Variants in PCSK6 observed in about 807,000 individuals in gnomAD.
The protein encoded by PCSK6 is proprotein convertase subtilisin/kexin type 6.
In PCSK6, 85 loss-of-function variants were observed where a neutral mutation model predicts 123.3. The observed-to-expected ratio is 0.69, with a 90% confidence interval of 0.58 to 0.83. The LOEUF is 0.83. Ranked by LOEUF, PCSK6 falls within the 40% of genes least tolerant of loss-of-function variation. The pLI, the probability that PCSK6 is intolerant of heterozygous loss-of-function variation, is 0.00. For synonymous variants in PCSK6, 508 were observed against 516.0 expected (o/e 0.98, Z 0.21); for missense variants, 1,191 against 1,282.3 (o/e 0.93, Z 1.09).
At chr15:101,327,829 C>T (rs1414975808) in intron 15 of PCSK6, among the ~76,000 whole-genome samples, 5 of 152,112 alleles carry the variant, frequency 3.3e-5, no homozygotes, top group Non-Finnish European at 5.9e-5. Flanking sequence ...ACTGGGGGGG[C>T]TTTGCGTGTC....
intron 14 of PCSK6, 43 bp downstream of exon 14, chr15:101,331,809 G>A (rs1344622303): frequency 1.2e-6 from 2 of 1,607,860 alleles, no homozygotes; most frequent in East Asian, 2.2e-5. Context: ...GACAATCAAA[G>A]CTCGTGGAAG....
rs10525638 is a variant in PCSK6, at chr15:101,392,593, C to CTTTTTTTTTTTTTTTTT, written c.1209+602_1209+618dup. 3.0e-3 allele frequency among the ~76,000 whole-genome samples: 370 copies of CTTTTTTTTTTTTTTTTT among 122,294 alleles called. 11 individuals are homozygous for CTTTTTTTTTTTTTTTTT. Among genetic ancestry groups the CTTTTTTTTTTTTTTTTT allele is most frequent in the East Asian group, 0.012 (55 of 4,474 alleles). The allele number at this position is 122,294 out of a possible 152,430, so 80.2% of individuals were successfully genotyped here. On this transcript the variant is annotated intron_variant, in intron 8 of 21. Transcript: ENST00000611716. ...TTTGAACTGGAAACCCTCCCTTCCT[C>CTTTTTTTTTTTTTTTTT]TTTTTTTTTTTTTTTTTAAGTAGGA...
At chr15:101,356,801 G>T (rs148266556) in intron 13 of PCSK6, among the ~76,000 whole-genome samples, 1 of 152,172 alleles carries the variant, frequency 6.6e-6, no homozygotes, top group African/African-American at 2.4e-5. Context: ...ATTCACACTC[G>T]ATTCCATTCC....
intron 11 of PCSK6, among the ~76,000 whole-genome samples, chr15:101,378,102 A>G (rs1176262852): frequency 6.6e-6 from 1 of 152,212 alleles, no homozygotes; most frequent in Non-Finnish European, 1.5e-5. Flanking sequence ...CTGGGCCTCT[A>G]TTTCATTCGT....
Position 101,398,725 on chromosome 15 carries a change from C to T in PCSK6, c.824-149G>A. 1 of 825,434 alleles carries T rather than the reference C, an allele frequency of 1.2e-6. No individual in the cohort carries two copies. The highest frequency in any genetic ancestry group is 2.0e-5 in the South Asian group (1 of 49,926). The allele number at this position is 825,434 out of a possible 1,614,324, so 51.1% of individuals were successfully genotyped here. A position where few individuals can be genotyped will look rare whatever the true frequency, so the allele number is the denominator to read the frequency against. ...TCCCAGTCATTCTGCAAAACTGGCTCCTCTTCTCCATGCTGGCTGATGTGA... is the reference window on the plus strand; with the variant it reads ...TCCCAGTCATTCTGCAAAACTGGCTTCTCTTCTCCATGCTGGCTGATGTGA... On this transcript the variant is annotated intron_variant, in intron 6 of 21. Coordinates refer to ENST00000611716, the MANE Select transcript of PCSK6 (RefSeq NM_002570.5). This position sits in a 1 kb window ranked among gnomAD's most constrained non-coding sequence, Gnocchi z 4.6.
intron 13 of PCSK6, among the ~76,000 whole-genome samples, chr15:101,359,391 C>G (rs2041144593): frequency 6.6e-6 from 1 of 152,254 alleles, no homozygotes; most frequent in Non-Finnish European, 1.5e-5. Flanking sequence ...TCATTTGGGG[C>G]TACCCTCAGG....
intron 18 of PCSK6, among the ~76,000 whole-genome samples, chr15:101,320,752 C>T (rs2040101555): frequency 6.6e-6 from 1 of 152,184 alleles, no homozygotes. Context: ...TGCTCTCTTG[C>T]TGCTTTAACA....
chr15:101,397,922 G>C (rs1239912792), intron 7 of PCSK6, among the ~76,000 whole-genome samples: 1 of 152,240 alleles, frequency 6.6e-6, no homozygotes, highest in African/African-American at 2.4e-5. Flanking sequence ...TGGGCTGTGC[G>C]CTGGTGGGGG....
intron 4 of PCSK6, among the ~76,000 whole-genome samples, chr15:101,430,522 ACGTGG>A (rs2056413957): frequency 6.6e-6 from 1 of 152,210 alleles, no homozygotes; most frequent in South Asian, 2.1e-4. Flanking sequence ...CCACGTTTCC[ACGTGG>A]GTCAGGATTT....
In PCSK6 at chr15:101,384,950, A is replaced by G. The variant is rs116901318; in HGVS notation, c.1311-525T>C. 9.0e-3 allele frequency among the ~76,000 whole-genome samples: 1,377 copies of G among 152,348 alleles called. 70 individuals carry two copies. The East Asian group carries it at 0.13, about 14-fold the overall frequency. ...AGTAGAAACATTTCATCAAAAGAATACAACATGCCACTAATGTAACTAAAT... is the reference window on the plus strand; with the variant it reads ...AGTAGAAACATTTCATCAAAAGAATGCAACATGCCACTAATGTAACTAAAT... On this transcript the variant is annotated intron_variant, in intron 9 of 21. Coordinates refer to ENST00000611716, the MANE Select transcript of PCSK6 (RefSeq NM_002570.5).
At position 101,326,478 on chromosome 15, in the gene PCSK6, A is replaced by T. The variant is rs754879749; in HGVS notation, c.2079T>A (p.Ser693Arg). The T allele has an allele frequency of 1.3e-6, 2 of 1,573,854 alleles. No individual in the cohort carries two copies. The highest frequency in any genetic ancestry group is 2.7e-5 in the African/African-American group (2 of 73,888). ...TPGSANILQT[S>R]VCHPECGDKG... ...TGTCACCACACTCCGGATGGCACAC[A>T]CCTTAAAGAAACAAGCATTGCCTTT... is the stretch of plus-strand genomic sequence containing the variant. The change falls in exon 16 of 22, where the codon AGT becomes AGA. Residue 693 changes from serine (S) to arginine (R), a missense_variant and splice_region_variant. Transcript: ENST00000611716.
intron 7 of PCSK6, 111 bp from the exon 8 acceptor site, chr15:101,393,535 G>A: frequency 2.6e-6 from 2 of 779,070 alleles, no homozygotes; most frequent in South Asian, 1.8e-5. Flanking sequence ...GGGATAAGAA[G>A]GTTGCATTCA....
In PCSK6 at chr15:101,392,593, C is replaced by CTTTTTTTTTTTTTTTTTTT. The variant is rs10525638; in HGVS notation, c.1209+618_1209+619insAAAAAAAAAAAAAAAAAAA. 8.9e-3 allele frequency among the ~76,000 whole-genome samples: 1,093 copies of CTTTTTTTTTTTTTTTTTTT among 122,130 alleles called. 57 individuals carry two copies. Among genetic ancestry groups the CTTTTTTTTTTTTTTTTTTT allele is most frequent in the African/African-American group, 0.023 (702 of 30,318 alleles). 80.1% of individuals were successfully genotyped at this position (122,130 alleles called of 152,430 possible). Reference sequence around the variant, plus strand: ...TTTGAACTGGAAACCCTCCCTTCCTCTTTTTTTTTTTTTTTTTAAGTAGGA... The same window carrying CTTTTTTTTTTTTTTTTTTT: ...TTTGAACTGGAAACCCTCCCTTCCTCTTTTTTTTTTTTTTTTTTTTTTTTTTTTTTTTTTTTAAGTAGGA... On this transcript the variant is annotated intron_variant, in intron 8 of 21. Coordinates refer to ENST00000611716, the MANE Select transcript of PCSK6 (RefSeq NM_002570.5).
At chr15:101,307,088 CAG>C in intron 21 of PCSK6, 123 bp downstream of exon 21, 2 of 676,982 alleles carry the variant, frequency 3.0e-6, no homozygotes, top group Middle Eastern at 3.8e-4. Context: ...TCAATCGGAT[CAG>C]GGGCACGAAC....
chr15:101,368,640 C>T (rs1004434020), intron 12 of PCSK6, among the ~76,000 whole-genome samples: 12 of 152,176 alleles, frequency 7.9e-5, no homozygotes, highest in Non-Finnish European at 1.8e-4. Flanking sequence ...CCAGCTCTGG[C>T]TCTGAGTCAG....
intron 1 of PCSK6, among the ~76,000 whole-genome samples, chr15:101,473,907 G>T (rs58619437): frequency 0.12 from 18,266 of 148,278 alleles, 1,251 homozygotes; most frequent in South Asian, 0.19. Context: ...AATAAATAAT[G>T]AATGAATGAA....
intron 19 of PCSK6, among the ~76,000 whole-genome samples, chr15:101,314,097 T>A (rs560353539): frequency 6.6e-6 from 1 of 152,208 alleles, no homozygotes; most frequent in Admixed American, 6.5e-5. Context: ...TTGGGAATGG[T>A]GTTGACAGGT....
intron 13 of PCSK6, among the ~76,000 whole-genome samples, chr15:101,359,307 C>T (rs548251110): frequency 5.9e-5 from 9 of 152,322 alleles, no homozygotes; most frequent in Non-Finnish European, 7.3e-5. Flanking sequence ...ATTCTGCACC[C>T]GTCTCAACCT....
At chr15:101,326,332 A>G in intron 16 of PCSK6, 45 bp downstream of exon 16, 1 of 1,468,326 alleles carries the variant, frequency 6.8e-7, no homozygotes, top group Non-Finnish European at 9.3e-7. Context: ...ATACAACTGG[A>G]AAGTCACTGA....
Sources: gnomAD v4.1 joint callset for allele counts (sites outside exome capture counted in the v4.1 genomes callset) on GRCh38, gnomAD v4.1.1 for gene constraint, Gnocchi (gnomAD v3.1) non-coding constraint, MANE v1.5 for transcripts, NCBI Gene and HGNC (gene_info 2026-07-23, HGNC 2026-07-21) for gene names.